Variants in ASTN2 observed in about 807,000 individuals in gnomAD.
ASTN2 encodes astrotactin-2.
Under a neutral mutation model 139.8 loss-of-function variants are expected in ASTN2, and 54 were observed. The ratio of observed to expected loss-of-function variants is 0.39; its 90% CI spans 0.31 to 0.48. ASTN2 has a LOEUF of 0.48. Among genes scored for constraint, ASTN2 ranks in the 20% least tolerant of loss-of-function variants. ASTN2 has a pLI of 0.95. For synonymous variants in ASTN2, 756 were observed against 719.5 expected (o/e 1.05, Z -0.81); for missense variants, 1,565 against 1,725.1 (o/e 0.91, Z 1.64).
chr9:117,253,558 T>C (rs1572305), intron 2 of ASTN2, among the ~76,000 whole-genome samples: 147,799 of 152,262 alleles, frequency 0.97, 71,909 homozygotes, highest in East Asian at 1. Flanking sequence ...TAGTGAGGAC[T>C]TTCTGTGCCG....
chr9:116,478,351 T>C (rs1047010773), intron 20 of ASTN2, among the ~76,000 whole-genome samples: 5 of 151,732 alleles, frequency 3.3e-5, no homozygotes, highest in African/African-American at 1.2e-4. Context: ...GAAAGAAAAG[T>C]TCACAATGGG....
rs887324302 is a variant in ASTN2, at chr9:116,998,765, T to A, written c.1591+9327A>T. Among the ~76,000 whole-genome samples the A allele has an allele frequency of 1.4e-4, 21 of 152,168 alleles. 1 individual carries two copies. Among genetic ancestry groups the A allele is most frequent in the Admixed American group, 1.4e-3 (21 of 15,268 alleles). ...TTCTCTATAAACAAATATCAGCATA[T>A]CTTACTGTGGATTTTACCTACTTAT... On this transcript the variant is annotated intron_variant, in intron 7 of 22. Coordinates refer to ENST00000313400, the MANE Select transcript of ASTN2 (RefSeq NM_001365068.1).
intron 10 of ASTN2, among the ~76,000 whole-genome samples, chr9:116,925,216 A>G (rs1465963836): frequency 6.6e-6 from 1 of 152,242 alleles, no homozygotes; most frequent in Non-Finnish European, 1.5e-5. Context: ...CTGCTTAGTC[A>G]TCAGCACTAC....
rs1237080724 is a variant in ASTN2 at position 117,303,700 on chromosome 9, C to G, written c.443-12187G>C. 3.9e-5 allele frequency among the ~76,000 whole-genome samples: 6 copies of G among 152,194 alleles called. No homozygotes were observed. In the East Asian group the frequency reaches 5.8e-4, roughly 15 times the overall value. ...AACCTAACTCTTAATCTTCAGAACT[C>G]AGATGTAAGTAGACTACACAAACAG... is the stretch of plus-strand genomic sequence containing the variant. On this transcript the variant is annotated intron_variant, in intron 1 of 22. Coordinates refer to ENST00000313400, the MANE Select transcript of ASTN2 (RefSeq NM_001365068.1).
chr9:117,008,094 G>A lies in ASTN2; in HGVS notation c.1589C>T (p.Thr530Ile), dbSNP rs865902501. Reference protein sequence around the residue: ...DACEQLCDPETGECSCHEGYA... With the variant: ...DACEQLCDPEIGECSCHEGYA... The stretch of plus-strand genomic sequence containing the variant: ...CCATCCCGGCTCCCATGGCTCACCG[G>A]TTTCTGGGTCGCAGAGCTGCTCACA... Residue 530 changes from threonine (T) to isoleucine (I), a missense_variant and splice_region_variant, in exon 7 of 23, where the codon ACC (threonine) becomes ATC (isoleucine). Transcript: ENST00000313400. The A allele has an allele frequency of 6.3e-7, 1 of 1,587,704 alleles. No homozygotes were observed. Among genetic ancestry groups the A allele is most frequent in the Non-Finnish European group, 8.6e-7 (1 of 1,165,880 alleles).
intron 5 of ASTN2, among the ~76,000 whole-genome samples, chr9:117,081,766 AGACAT>A (rs1828434589): frequency 6.6e-6 from 1 of 152,130 alleles, no homozygotes; most frequent in Non-Finnish European, 1.5e-5. Flanking sequence ...CCTACAGGGG[AGACAT>A]GTGGCAAGGG....
chr9:117,178,614 AG>A (rs1253478738), intron 3 of ASTN2, among the ~76,000 whole-genome samples: 2 of 152,190 alleles, frequency 1.3e-5, no homozygotes, highest in African/African-American at 2.4e-5. Flanking sequence ...ACAAAATCAG[AG>A]GGGGCAAAGT....
chr9:117,043,917 A>G (rs1161170222), intron 5 of ASTN2, among the ~76,000 whole-genome samples: 2 of 150,296 alleles, frequency 1.3e-5, no homozygotes, highest in Non-Finnish European at 3.0e-5. Flanking sequence ...CAAAAAAAAA[A>G]AAAAAAGAAA....
At chr9:116,841,254 G>T (rs1832244092) in intron 11 of ASTN2, among the ~76,000 whole-genome samples, 2 of 152,112 alleles carry the variant, frequency 1.3e-5, no homozygotes, top group Non-Finnish European at 2.9e-5. Context: ...GCGTGCACCT[G>T]CAATCGCAGG....
At chr9:116,477,616 C>T (rs974286280) in intron 20 of ASTN2, among the ~76,000 whole-genome samples, 5 of 151,628 alleles carry the variant, frequency 3.3e-5, no homozygotes, top group African/African-American at 7.3e-5. Context: ...AAAAGAAGAG[C>T]GACCCTAGGG....
rs112417030 is a variant in ASTN2, at chr9:117,241,597, T to C, written c.631-26855A>G. Among the ~76,000 whole-genome samples, 1,421 of 152,224 alleles carry C rather than the reference T, an allele frequency of 9.3e-3. 25 individuals are homozygous for C. Among genetic ancestry groups the C allele is most frequent in the African/African-American group, 0.032 (1,345 of 41,540 alleles). On this transcript the variant is annotated intron_variant, in intron 2 of 22. Transcript: ENST00000313400. ...CTTGAATGTGCAGTTCACAATAGGA[T>C]TCGTGGTCCTATGAGAATCTAATGC...
intron 1 of ASTN2, among the ~76,000 whole-genome samples, chr9:117,322,958 AT>A (rs899042353): frequency 9.9e-5 from 15 of 151,788 alleles, no homozygotes; most frequent in South Asian, 8.4e-4. Context: ...AAGAACAATA[AT>A]TTTTTTTTCC....
chr9:116,904,173 C>T (rs1246361903), intron 10 of ASTN2, among the ~76,000 whole-genome samples: 2 of 152,160 alleles, frequency 1.3e-5, no homozygotes, highest in Non-Finnish European at 2.9e-5. Context: ...GCTTCTGGTA[C>T]AGCTCTAAGG....
intron 3 of ASTN2, among the ~76,000 whole-genome samples, chr9:117,152,858 C>T (rs1201587209): frequency 1.3e-5 from 2 of 152,150 alleles, no homozygotes; most frequent in Non-Finnish European, 2.9e-5. Flanking sequence ...AAGTCTATCT[C>T]AGTATTCAAT....
intron 10 of ASTN2, among the ~76,000 whole-genome samples, chr9:116,969,492 C>T (rs542314755): frequency 2.1e-4 from 32 of 152,198 alleles, no homozygotes; most frequent in South Asian, 4.2e-4. Context: ...ACTCTGGCAA[C>T]ACTTAATTGT....
intron 10 of ASTN2, among the ~76,000 whole-genome samples, chr9:116,905,899 G>A (rs963481355): frequency 2.7e-5 from 4 of 150,450 alleles, no homozygotes; most frequent in Non-Finnish European, 5.9e-5. Context: ...CCGTTTAAGA[G>A]CCTAGGAGTC....
intron 11 of ASTN2, among the ~76,000 whole-genome samples, chr9:116,822,797 C>T (rs1831526978): frequency 6.6e-6 from 1 of 152,152 alleles, no homozygotes; most frequent in Admixed American, 6.5e-5. Flanking sequence ...CTGTCCTAAG[C>T]CCTGGAACTT....
At chr9:116,990,077 G>A (rs1201980103) in intron 7 of ASTN2, among the ~76,000 whole-genome samples, 1 of 152,114 alleles carries the variant, frequency 6.6e-6, no homozygotes, top group Non-Finnish European at 1.5e-5. Flanking sequence ...TAGAGTCAGA[G>A]AGGTCCAAGT....
chr9:116,494,924 G>A (rs975022727), intron 19 of ASTN2, among the ~76,000 whole-genome samples: 1 of 152,164 alleles, frequency 6.6e-6, no homozygotes, highest in African/African-American at 2.4e-5. Context: ...GTCCAGCATA[G>A]GGCTGATGAT....
Sources: gnomAD v4.1 joint callset for allele counts (sites outside exome capture counted in the v4.1 genomes callset) on GRCh38, gnomAD v4.1.1 for gene constraint, MANE v1.5 for transcripts, NCBI Gene and HGNC (gene_info 2026-07-23, HGNC 2026-07-21) for gene names.